SDK1: variants seen among roughly 807,000 people sequenced by gnomAD.
SDK1 encodes protein sidekick-1.
A neutral mutation model predicts 245.5 loss-of-function variants in SDK1; 157 were observed. The ratio of observed to expected loss-of-function variants is 0.64; its 90% CI spans 0.56 to 0.73. The LOEUF (loss-of-function observed/expected upper bound fraction) is 0.73, where lower values mean the gene tolerates loss of function less well. Among genes scored for constraint, SDK1 ranks in the 30% least tolerant of loss-of-function variants. SDK1 has a pLI of 0.00. For missense variants in SDK1, 3,583 were observed against 3,002.3 expected, an observed-to-expected ratio of 1.19 and a Z score of -4.52; for synonymous variants, 1,647 against 1,278.5, an observed-to-expected ratio of 1.29 and a Z score of -6.15.
intron 11 of SDK1, among the ~76,000 whole-genome samples, 197 bp from the exon 12 acceptor site, chr7:3,971,269 A>T (rs1782465845): frequency 6.6e-6 from 1 of 152,118 alleles, no homozygotes; most frequent in Non-Finnish European, 1.5e-5. Flanking sequence ...GGGTTGACAG[A>T]CTGCTGCAAT....
intron 4 of SDK1, among the ~76,000 whole-genome samples, chr7:3,802,092 T>G (rs1779120867): frequency 6.6e-6 from 1 of 152,344 alleles, no homozygotes; most frequent in South Asian, 2.1e-4. Context: ...TCAGAGAAGT[T>G]CCATGTACCC....
chr7:4,205,761 C>T, intron 35 of SDK1, 118 bp from the exon 36 acceptor site: 1 of 822,258 alleles, frequency 1.2e-6, no homozygotes, highest in South Asian at 1.6e-5. Context: ...AGGGAAGAAT[C>T]TCTCACATGG....
chr7:3,552,061 C>T (rs764632532), intron 1 of SDK1, among the ~76,000 whole-genome samples: 17 of 151,348 alleles, frequency 1.1e-4, no homozygotes, highest in South Asian at 2.1e-4. Flanking sequence ...TTTTTTGAGC[C>T]GGAGCCTCGC....
chr7:3,708,355 G>T (rs1212573203), intron 4 of SDK1, among the ~76,000 whole-genome samples: 14 of 70,938 alleles, frequency 2.0e-4, no homozygotes, highest in African/African-American at 8.3e-4. Flanking sequence ...TACCTCCAAG[G>T]TCCAGTTACC....
intron 7 of SDK1, among the ~76,000 whole-genome samples, chr7:3,958,449 A>C (rs1294714076): frequency 6.6e-6 from 1 of 152,180 alleles, no homozygotes; most frequent in Non-Finnish European, 1.5e-5. Context: ...ATTATTTGGT[A>C]TTCCATTGAA....
At chr7:4,245,541 G>T in intron 43 of SDK1, 135 bp from the exon 44 acceptor site, 1 of 1,003,960 alleles carries the variant, frequency 1.0e-6, no homozygotes, top group South Asian at 1.6e-5. Flanking sequence ...TTTTGCATCA[G>T]TTGCCAAAGT....
At chr7:4,139,713 G>A (rs1421272394) in intron 28 of SDK1, among the ~76,000 whole-genome samples, 5 of 40,720 alleles carry the variant, frequency 1.2e-4, no homozygotes, top group African/African-American at 3.0e-4. Context: ...GTATGTGTGT[G>A]TGTGTGTATG....
At chr7:4,093,726 G>A (rs1192194704) in intron 22 of SDK1, among the ~76,000 whole-genome samples, 1 of 152,198 alleles carries the variant, frequency 6.6e-6, no homozygotes, top group African/African-American at 2.4e-5. Context: ...GAAGTCGGGG[G>A]CGTGAAGCAA....
intron 4 of SDK1, among the ~76,000 whole-genome samples, chr7:3,752,303 A>AT (rs1407385461): frequency 2.6e-5 from 4 of 151,888 alleles, no homozygotes; most frequent in Non-Finnish European, 4.4e-5. Flanking sequence ...CTTTCTTTTG[A>AT]TTTTTTTCCT....
At chr7:3,341,844 C>T (rs1446810163) in intron 1 of SDK1, among the ~76,000 whole-genome samples, 1 of 152,194 alleles carries the variant, frequency 6.6e-6, no homozygotes, top group Non-Finnish European at 1.5e-5. Context: ...GTAAATGTGT[C>T]AGTTCTCCCT....
intron 13 of SDK1, among the ~76,000 whole-genome samples, chr7:3,978,583 T>C (rs912848019): frequency 3.3e-5 from 5 of 152,166 alleles, no homozygotes; most frequent in Non-Finnish European, 7.3e-5. Flanking sequence ...TTGGGAAAGG[T>C]GTTCCTTCAT....
At chr7:3,465,498 G>A (rs1333094353) in intron 1 of SDK1, among the ~76,000 whole-genome samples, 1 of 152,170 alleles carries the variant, frequency 6.6e-6, no homozygotes, top group African/African-American at 2.4e-5. Flanking sequence ...AGTGTGTCCT[G>A]TTATTTAATA....
chr7:3,322,678 A>G (rs1779846821), intron 1 of SDK1, among the ~76,000 whole-genome samples: 1 of 152,180 alleles, frequency 6.6e-6, no homozygotes, highest in Admixed American at 6.5e-5. Context: ...AGGGATCTTC[A>G]TAATCTGAGC....
At chr7:4,107,361 G>C (rs939301784) in intron 22 of SDK1, among the ~76,000 whole-genome samples, 1 of 152,126 alleles carries the variant, frequency 6.6e-6, no homozygotes. Context: ...ACTTGGCACC[G>C]TGAGCTACGC....
chr7:3,772,269 G>C (rs1442430268), intron 4 of SDK1, among the ~76,000 whole-genome samples: 3 of 149,636 alleles, frequency 2.0e-5, no homozygotes, highest in African/African-American at 7.4e-5. Flanking sequence ...TATATTCTAC[G>C]TCTGTTTTTC....
At chr7:3,938,138 C>T (rs1162234234) in intron 5 of SDK1, among the ~76,000 whole-genome samples, 1 of 152,172 alleles carries the variant, frequency 6.6e-6, no homozygotes, top group Admixed American at 6.5e-5. Flanking sequence ...CACCTGGCTT[C>T]CAGGCCATTT....
At chr7:3,841,236 G>T (rs1490753357) in intron 5 of SDK1, among the ~76,000 whole-genome samples, 1 of 152,162 alleles carries the variant, frequency 6.6e-6, no homozygotes, top group Non-Finnish European at 1.5e-5. Flanking sequence ...GTGTTGAGGG[G>T]GGCCGAGACC....
intron 1 of SDK1, among the ~76,000 whole-genome samples, chr7:3,394,137 C>G (rs1583792443): frequency 1.3e-5 from 2 of 151,812 alleles, no homozygotes; most frequent in East Asian, 3.9e-4. Context: ...GATTACCAGA[C>G]AGAGATATTG....
intron 4 of SDK1, among the ~76,000 whole-genome samples, chr7:3,733,161 C>G (rs1341861386): frequency 6.6e-6 from 1 of 152,116 alleles, no homozygotes; most frequent in Non-Finnish European, 1.5e-5. Flanking sequence ...ATGGATGGCT[C>G]CCTGTGCAAT....
Sources: allele counts gnomAD v4.1 joint callset (sites outside exome capture counted in the v4.1 genomes callset), GRCh38; gene constraint gnomAD v4.1.1; transcripts MANE v1.5; gene names NCBI Gene and HGNC (gene_info 2026-07-23, HGNC 2026-07-21).